COMMD10: variants seen among roughly 807,000 people sequenced by gnomAD.
COMMD10 encodes the protein COMM domain containing 10, also known as COMM domain-containing protein 10.
Under a neutral mutation model 28.9 loss-of-function variants are expected in COMMD10, and 33 were observed. That is an observed-to-expected ratio of 1.14 (90% CI 0.87 to 1.53). COMMD10 has a LOEUF of 1.53. Among genes scored for constraint, COMMD10 ranks in the 40% most tolerant of loss-of-function variants. The pLI, the probability that COMMD10 is intolerant of heterozygous loss-of-function variation, is 0.00. For synonymous variants in COMMD10, 110 were observed against 81.7 expected (o/e 1.35, Z -1.87); for missense variants, 310 against 233.4 (o/e 1.33, Z -2.14).
chr5:116,164,613 A>G (rs945104472), intron 5 of COMMD10, among the ~76,000 whole-genome samples: 4 of 152,250 alleles, frequency 2.6e-5, no homozygotes, highest in Non-Finnish European at 5.9e-5. Flanking sequence ...AACCCTAATT[A>G]TAAAAGCCAA....
intron 5 of COMMD10, among the ~76,000 whole-genome samples, chr5:116,206,596 G>A (rs1748819292): frequency 6.6e-6 from 1 of 152,062 alleles, no homozygotes; most frequent in Non-Finnish European, 1.5e-5. Flanking sequence ...AGATTGCAGA[G>A]AGCCAAGATA....
chr5:116,195,001 A>G (rs1748470983), intron 5 of COMMD10, among the ~76,000 whole-genome samples: 3 of 152,212 alleles, frequency 2.0e-5, no homozygotes, highest in African/African-American at 2.4e-5. Flanking sequence ...GGATGCAGGT[A>G]TAGCTTAACA....
intron 5 of COMMD10, among the ~76,000 whole-genome samples, chr5:116,182,039 G>A: frequency 6.6e-6 from 1 of 152,038 alleles, no homozygotes; most frequent in African/African-American, 2.4e-5. Context: ...TATGTCATGT[G>A]AAGGACAAGA....
intron 4 of COMMD10, among the ~76,000 whole-genome samples, chr5:116,114,174 G>A (rs1245394067): frequency 6.6e-6 from 1 of 152,110 alleles, no homozygotes; most frequent in Non-Finnish European, 1.5e-5. Context: ...GGTAGCAGTG[G>A]TTGTCTAAGC....
At chr5:116,187,242 T>C (rs1748169322) in intron 5 of COMMD10, among the ~76,000 whole-genome samples, 1 of 152,146 alleles carries the variant, frequency 6.6e-6, no homozygotes. Flanking sequence ...ATGAAACTTA[T>C]AATTAGGAAC....
chr5:116,113,837 G>A (rs1055295160), intron 4 of COMMD10, among the ~76,000 whole-genome samples: 3 of 152,086 alleles, frequency 2.0e-5, no homozygotes, highest in Admixed American at 6.5e-5. Context: ...TCCTTTGATG[G>A]TGTCATATTG....
chr5:116,226,605 G>C (rs1483762409), intron 5 of COMMD10, among the ~76,000 whole-genome samples: 1 of 151,500 alleles, frequency 6.6e-6, no homozygotes, highest in African/African-American at 2.4e-5. Flanking sequence ...TGGGGGACTT[G>C]GGACTAAAAA....
chr5:116,123,686 A>C (rs1430848504), intron 4 of COMMD10, among the ~76,000 whole-genome samples: 1 of 152,114 alleles, frequency 6.6e-6, no homozygotes, highest in Non-Finnish European at 1.5e-5. Flanking sequence ...TCAGCTATGA[A>C]TCTGTCTGGT....
chr5:116,200,777 C>G (rs1408897938), intron 5 of COMMD10, among the ~76,000 whole-genome samples: 2 of 152,004 alleles, frequency 1.3e-5, no homozygotes, highest in African/African-American at 4.8e-5. Context: ...TTAGATCTCT[C>G]TTCTTGTACT....
At chr5:116,127,280 G>A (rs181603135) in intron 4 of COMMD10, among the ~76,000 whole-genome samples, 1,740 of 152,212 alleles carry the variant, frequency 0.011, 17 homozygotes, top group Middle Eastern at 0.02. Flanking sequence ...GAAACAACAG[G>A]TGCTGAAGAG....
At chr5:116,230,272 A>G (rs1280626481) in intron 5 of COMMD10, among the ~76,000 whole-genome samples, 3 of 152,016 alleles carry the variant, frequency 2.0e-5, no homozygotes, top group African/African-American at 7.2e-5. Context: ...GTAATGGTGT[A>G]GTAGCATCTT....
At chr5:116,100,798 A>T (rs1297471397) in intron 4 of COMMD10, among the ~76,000 whole-genome samples, 2 of 152,144 alleles carry the variant, frequency 1.3e-5, no homozygotes, top group African/African-American at 4.8e-5. Context: ...CTTTGTATAA[A>T]TTCATGGTGT....
intron 5 of COMMD10, among the ~76,000 whole-genome samples, chr5:116,245,912 TA>T (rs1749941087): frequency 6.6e-6 from 1 of 152,136 alleles, no homozygotes; most frequent in Non-Finnish European, 1.5e-5. Flanking sequence ...GCATTCCCCT[TA>T]AAAATTGGCA....
At chr5:116,262,604 T>C (rs1750479344) in intron 5 of COMMD10, among the ~76,000 whole-genome samples, 1 of 151,898 alleles carries the variant, frequency 6.6e-6, no homozygotes, top group Admixed American at 6.6e-5. Context: ...GTCTACTCAT[T>C]ATAAAAGTGA....
intron 5 of COMMD10, among the ~76,000 whole-genome samples, chr5:116,250,709 AG>A (rs1750089089): frequency 1.3e-5 from 2 of 151,898 alleles, no homozygotes; most frequent in South Asian, 4.1e-4. Flanking sequence ...AGGAGATGGG[AG>A]GGAACTGATC....
chr5:116,253,621 C>G (rs1172219491), intron 5 of COMMD10, among the ~76,000 whole-genome samples: 20 of 138,354 alleles, frequency 1.4e-4, no homozygotes, highest in African/African-American at 3.2e-4. Context: ...GTATATTGAA[C>G]CAGCCTTGCA....
At chr5:116,165,505 G>C (rs949417095) in intron 5 of COMMD10, among the ~76,000 whole-genome samples, 1 of 152,002 alleles carries the variant, frequency 6.6e-6, no homozygotes, top group Non-Finnish European at 1.5e-5. Context: ...TAAAATCAAG[G>C]TCTTGGCAAA....
intron 4 of COMMD10, among the ~76,000 whole-genome samples, chr5:116,098,193 C>A (rs1750526935): frequency 6.6e-6 from 1 of 152,100 alleles, no homozygotes; most frequent in African/African-American, 2.4e-5. Flanking sequence ...CTTTCTTTTT[C>A]ATTCTGAGAA....
intron 5 of COMMD10, among the ~76,000 whole-genome samples, chr5:116,246,532 G>A (rs367926734): frequency 6.6e-6 from 1 of 150,734 alleles, no homozygotes; most frequent in Admixed American, 6.6e-5. Context: ...AATAGCCAAA[G>A]CAATTTTAAG....
Sources: gnomAD v4.1 joint callset for allele counts (sites outside exome capture counted in the v4.1 genomes callset) on GRCh38, gnomAD v4.1.1 for gene constraint, MANE v1.5 for transcripts, NCBI Gene and HGNC (gene_info 2026-07-23, HGNC 2026-07-21) for gene names.